Variants in ARSJ observed in about 807,000 individuals in gnomAD.
ARSJ encodes arylsulfatase J.
Under a neutral mutation model 35.9 loss-of-function variants are expected in ARSJ, and 26 were observed. The ratio of observed to expected loss-of-function variants is 0.72; its 90% CI spans 0.53 to 1.00. The LOEUF (loss-of-function observed/expected upper bound fraction) is 1.00, where lower values mean the gene tolerates loss of function less well. ARSJ is among the 50% of genes least tolerant of loss of function. The pLI, the probability that ARSJ is intolerant of heterozygous loss-of-function variation, is 0.00. For synonymous variants in ARSJ, 294 were observed against 267.6 expected (o/e 1.10, Z -0.96); for missense variants, 667 against 723.6 (o/e 0.92, Z 0.90).
chr4:113,978,718 G>T lies in ARSJ; in HGVS notation c.117C>A (p.Leu39=). Residue 39 remains leucine (L), a synonymous_variant, in exon 1 of 2, where the codon CTC becomes CTA. Coordinates refer to ENST00000315366, the MANE Select transcript of ARSJ (RefSeq NM_024590.4). Reference sequence around the variant, plus strand: ...GGCCCCAGGACAGGTAACCATAAGTGAGGAGGCAGAGGATCCAGAATCCTG... The same window carrying T: ...GGCCCCAGGACAGGTAACCATAAGTTAGGAGGCAGAGGATCCAGAATCCTG... ...ALAGFWILCL[L]TYGYLSWGQA... The T allele has an allele frequency of 1.2e-6, 2 of 1,614,224 alleles. No individual in the cohort carries two copies. Among genetic ancestry groups the T allele is most frequent in the Non-Finnish European group, 1.7e-6 (2 of 1,180,042 alleles).
chr4:113,945,111 T>G (rs1315058009), intron 1 of ARSJ, among the ~76,000 whole-genome samples: 2 of 152,092 alleles, frequency 1.3e-5, no homozygotes, highest in Non-Finnish European at 2.9e-5. Context: ...TAGAAACTTA[T>G]ATGCTCTTTG....
chr4:113,916,569 T>G (rs1379438354), intron 1 of ARSJ, among the ~76,000 whole-genome samples: 1 of 152,152 alleles, frequency 6.6e-6, no homozygotes, highest in African/African-American at 2.4e-5. Context: ...CAACTCCATG[T>G]CTTCCTCCCC....
In ARSJ at chr4:113,911,346, G is replaced by A. The variant is rs1207889108; in HGVS notation, c.399-7671C>T. 5.9e-5 allele frequency among the ~76,000 whole-genome samples: 9 copies of A among 152,188 alleles called. No individual in the cohort carries two copies. The East Asian group carries it at 1.5e-3, about 26-fold the overall frequency. On this transcript the variant is annotated intron_variant, in intron 1 of 1. Coordinates refer to ENST00000315366, the MANE Select transcript of ARSJ (RefSeq NM_024590.4). ...TTACTTAATGTGAAGGTCACAGGAA[G>A]TCACAGAATACTTTTGAAAAGAGAA...
chr4:113,933,507 A>G lies in ARSJ; in HGVS notation c.399-29832T>C, dbSNP rs572126166. On this transcript the variant is annotated intron_variant, in intron 1 of 1. Transcript: ENST00000315366. ...CATTAAAAAGGTTTTCACTATGATC[A>G]AGTGGGATTTCATCCTAGGGATGCA... Among the ~76,000 whole-genome samples the G allele has an allele frequency of 5.1e-4, 78 of 151,978 alleles. 1 individual carries two copies. Among genetic ancestry groups the G allele is most frequent in the African/African-American group, 1.6e-3 (65 of 41,536 alleles).
Position 113,902,191 on chromosome 4 carries a change from C to T in ARSJ, c.*83G>A, listed in dbSNP as rs750248437. ...CTGACGCTTAGGCCAGCGATATTAT[C>T]GAGCCAAATTTGCTGGTTTACCTAG... is the stretch of plus-strand genomic sequence containing the variant. On this transcript the variant is annotated 3_prime_UTR_variant, in exon 2 of 2. Coordinates refer to ENST00000315366, the MANE Select transcript of ARSJ (RefSeq NM_024590.4). 1.3e-6 allele frequency: 2 copies of T among 1,599,316 alleles called. No homozygotes were observed. Among genetic ancestry groups the T allele is most frequent in the South Asian group, 2.2e-5 (2 of 90,720 alleles).
intron 1 of ARSJ, among the ~76,000 whole-genome samples, chr4:113,921,994 A>T (rs1168003022): frequency 1.3e-5 from 2 of 152,174 alleles, no homozygotes; most frequent in Admixed American, 1.3e-4. Context: ...GACAACATGG[A>T]CAGGGCAGTT....
rs1343549424 is a variant in ARSJ, at chr4:113,900,556, T to G, written c.*1718A>C. The G allele has an allele frequency of 1.3e-5, 2 of 152,196 alleles. No individual in the cohort carries two copies. Among genetic ancestry groups the G allele is most frequent in the Admixed American group, 1.3e-4 (2 of 15,280 alleles). 9.4% of individuals were successfully genotyped at this position (152,196 alleles called of 1,614,324 possible). A position where few individuals can be genotyped will look rare whatever the true frequency, so the allele number is the denominator to read the frequency against. ...TTTGAGTTGTGATATAAATGGATTATATCACAGTCCTTTGAGCTGTGATGT... is the reference window on the plus strand; with the variant it reads ...TTTGAGTTGTGATATAAATGGATTAGATCACAGTCCTTTGAGCTGTGATGT... On this transcript the variant is annotated 3_prime_UTR_variant, in exon 2 of 2. Coordinates refer to ENST00000315366, the MANE Select transcript of ARSJ (RefSeq NM_024590.4).
intron 1 of ARSJ, among the ~76,000 whole-genome samples, chr4:113,953,873 G>A (rs959680691): frequency 6.6e-6 from 1 of 151,994 alleles, no homozygotes; most frequent in African/African-American, 2.4e-5. Flanking sequence ...TAGCTCAAGC[G>A]ATAAGGTCCC....
At chr4:113,971,286 G>C (rs1441498168) in intron 1 of ARSJ, among the ~76,000 whole-genome samples, 1 of 152,142 alleles carries the variant, frequency 6.6e-6, no homozygotes, top group Admixed American at 6.5e-5. Flanking sequence ...AGGTCTTTTG[G>C]TTCTCCTATC....
At chr4:113,922,749 A>G (rs866609322) in intron 1 of ARSJ, among the ~76,000 whole-genome samples, 1 of 152,158 alleles carries the variant, frequency 6.6e-6, no homozygotes, top group Non-Finnish European at 1.5e-5. Flanking sequence ...TGGTTATATG[A>G]AAGCAATTTT....
chr4:113,960,845 G>A (rs1042838593), intron 1 of ARSJ, among the ~76,000 whole-genome samples: 2 of 152,010 alleles, frequency 1.3e-5, no homozygotes, highest in African/African-American at 2.4e-5. Flanking sequence ...GAAGTGCCCC[G>A]AGCCTGCCTT....
chr4:113,914,035 G>A (rs1004917548), intron 1 of ARSJ, among the ~76,000 whole-genome samples: 1 of 152,000 alleles, frequency 6.6e-6, no homozygotes, highest in African/African-American at 2.4e-5. Context: ...GTGCAATAGT[G>A]CGGTCTCAGC....
intron 1 of ARSJ, among the ~76,000 whole-genome samples, chr4:113,975,876 C>T (rs1727561515): frequency 6.6e-6 from 1 of 152,144 alleles, no homozygotes; most frequent in South Asian, 2.1e-4. Context: ...CCGGACCTAC[C>T]AAAGCTGAAG....
intron 1 of ARSJ, among the ~76,000 whole-genome samples, chr4:113,918,388 G>A (rs1045771036): frequency 2.0e-5 from 3 of 151,878 alleles, no homozygotes; most frequent in Admixed American, 1.3e-4. Context: ...TGTGTAAAAG[G>A]CTTGTTATTA....
intron 1 of ARSJ, among the ~76,000 whole-genome samples, chr4:113,934,463 TAAGTAA>T (rs1471706861): frequency 6.6e-6 from 1 of 151,800 alleles, no homozygotes; most frequent in African/African-American, 2.4e-5. Context: ...GTCTTTATAT[TAAGTAA>T]AAGAGGTCAA....
Position 113,903,290 on chromosome 4 carries a change from A to G in ARSJ, c.784T>C (p.Tyr262His). 6.2e-7 allele frequency: 1 copy of G among 1,614,168 alleles called. No homozygotes were observed. The highest frequency in any genetic ancestry group is 8.5e-7 in the Non-Finnish European group (1 of 1,180,032). Residue 262 changes from tyrosine to histidine, a missense_variant, in exon 2 of 2, where the codon TAT (tyrosine) becomes CAT (histidine). Physicochemically the swap from Tyr to His is moderately conservative, Grantham distance 83. Coordinates refer to ENST00000315366, the MANE Select transcript of ARSJ (RefSeq NM_024590.4). ...SHNPTKPIFL[Y>H]IAYQAVHSPL... ...GAATGAACAGCTTGATAGGCAATATATAAAAATATAGGCTTTGTGGGGTTA... is the reference window on the plus strand; with the variant it reads ...GAATGAACAGCTTGATAGGCAATATGTAAAAATATAGGCTTTGTGGGGTTA...
chr4:113,909,532 T>A (rs533669445), intron 1 of ARSJ, among the ~76,000 whole-genome samples: 1 of 152,162 alleles, frequency 6.6e-6, no homozygotes, highest in African/African-American at 2.4e-5. Flanking sequence ...GTTTTCCTCA[T>A]GCTATTCTCG....
intron 1 of ARSJ, among the ~76,000 whole-genome samples, chr4:113,948,164 G>C (rs1725619764): frequency 1.3e-5 from 2 of 152,046 alleles, no homozygotes; most frequent in Non-Finnish European, 2.9e-5. Context: ...ACTCCAGCCT[G>C]GGTGACAGAG....
chr4:113,950,266 AG>A (rs1280597725), intron 1 of ARSJ, among the ~76,000 whole-genome samples: 2 of 152,090 alleles, frequency 1.3e-5, no homozygotes, highest in African/African-American at 4.8e-5. Flanking sequence ...ATCATAGAAA[AG>A]AAAGAATAGT....
Sources: gnomAD v4.1 joint callset for allele counts (sites outside exome capture counted in the v4.1 genomes callset) on GRCh38, gnomAD v4.1.1 for gene constraint, MANE v1.5 for transcripts, NCBI Gene and HGNC (gene_info 2026-07-23, HGNC 2026-07-21) for gene names.